Variants in ADAM7 observed in about 807,000 individuals in gnomAD.
ADAM7 encodes the protein disintegrin and metalloproteinase domain-containing protein 7.
ADAM7 carries 97 observed loss-of-function variants against 102.9 expected under a neutral mutation model. The observed-to-expected ratio is 0.94, with a 90% CI of 0.80 to 1.12. The LOEUF (loss-of-function observed/expected upper bound fraction) is 1.12. Among genes scored for constraint, ADAM7 ranks in the 50% most tolerant of loss-of-function variants. The pLI is 0.00. For synonymous variants in ADAM7, 334 were observed against 304.4 expected, an observed-to-expected ratio of 1.10 and a Z score of -1.01; for missense variants, 991 against 908.7, an observed-to-expected ratio of 1.09 and a Z score of -1.16.
At chr8:24,444,333 C>A (rs539193228) in intron 2 of ADAM7, among the ~76,000 whole-genome samples, 2 of 151,524 alleles carry the variant, frequency 1.3e-5, no homozygotes, top group African/African-American at 4.8e-5. Context: ...GGAGAGGAAT[C>A]AAATAATTTA....
chr8:24,473,495 G>A (rs571597021), intron 7 of ADAM7, among the ~76,000 whole-genome samples: 1 of 152,246 alleles, frequency 6.6e-6, no homozygotes, highest in South Asian at 2.1e-4. Context: ...CAATGTGCAA[G>A]AACTTTTCAA....
intron 8 of ADAM7, among the ~76,000 whole-genome samples, chr8:24,480,831 G>A (rs1458498931): frequency 6.6e-6 from 1 of 152,030 alleles, no homozygotes; most frequent in South Asian, 2.1e-4. Flanking sequence ...ACTGAGCCCA[G>A]GAGTTCAAGA....
chr8:24,482,338 T>G (rs1765927805), intron 9 of ADAM7, 27 bp downstream of exon 9: 1 of 1,584,116 alleles, frequency 6.3e-7, no homozygotes, highest in Admixed American at 1.9e-5. Context: ...TTTTCTTGCA[T>G]ACCTTTGGTG....
At chr8:24,446,028 A>G (rs1563370985) in intron 2 of ADAM7, among the ~76,000 whole-genome samples, 1 of 152,208 alleles carries the variant, frequency 6.6e-6, no homozygotes, top group East Asian at 1.9e-4. Context: ...AGGGACTTCC[A>G]TGAGGGCAGA....
In ADAM7 at chr8:24,509,248, G is replaced by C; in HGVS notation, c.*702G>C. On this transcript the variant is annotated 3_prime_UTR_variant, in exon 22 of 22. Coordinates refer to ENST00000175238, the MANE Select transcript of ADAM7 (RefSeq NM_003817.4). ...ATTTCAGAAAATTTACTCCAAGTGA[G>C]AGGACATACTCACAACTCCTATGAA... is the stretch of plus-strand genomic sequence containing the variant. 1 of 985,418 alleles carries C rather than the reference G, an allele frequency of 1.0e-6. No individual in the cohort carries two copies. The highest frequency in any genetic ancestry group is 1.2e-6 in the Non-Finnish European group (1 of 829,974). 61.0% of individuals were successfully genotyped at this position (985,418 alleles called of 1,614,324 possible). A position where few individuals can be genotyped will look rare whatever the true frequency, so the allele number is the denominator to read the frequency against.
chr8:24,452,817 C>T (rs541624560), intron 3 of ADAM7, among the ~76,000 whole-genome samples: 1 of 151,542 alleles, frequency 6.6e-6, no homozygotes, highest in South Asian at 2.1e-4. Context: ...TTTCGTGCTT[C>T]CTTCAGGAGC....
In ADAM7 at chr8:24,466,981, A is replaced by G. The variant is rs768678285; in HGVS notation, c.572A>G (p.Lys191Arg). The G allele has an allele frequency of 6.2e-7, 1 of 1,612,802 alleles. No homozygotes were observed. The highest frequency in any genetic ancestry group is 2.2e-5 in the East Asian group (1 of 44,834). ...PGDNESEEDSKIKGIHDEKYV... is the reference protein window; with the variant it reads ...PGDNESEEDSRIKGIHDEKYV... ...GATAATGAATCTGAAGAAGACTCCA[A>G]AATAAAAGTGAGTACTTTATTATTA... is the stretch of plus-strand genomic sequence containing the variant. The change falls in exon 6 of 22, where the codon AAA becomes AGA. Residue 191 changes from lysine to arginine, a missense_variant. Transcript: ENST00000175238.
chr8:24,493,643 A>C (rs1820451352), intron 16 of ADAM7, among the ~76,000 whole-genome samples: 1 of 152,244 alleles, frequency 6.6e-6, no homozygotes, highest in Non-Finnish European at 1.5e-5. Flanking sequence ...TCATACAGTA[A>C]AAATTACATG....
At chr8:24,455,714 G>T (rs1013459650) in intron 3 of ADAM7, among the ~76,000 whole-genome samples, 1 of 152,106 alleles carries the variant, frequency 6.6e-6, no homozygotes, top group Admixed American at 6.5e-5. Context: ...CCTAATATAG[G>T]TTTACACTGA....
chr8:24,446,636 T>C (rs1025770343), intron 2 of ADAM7, among the ~76,000 whole-genome samples: 2 of 151,950 alleles, frequency 1.3e-5, no homozygotes, highest in African/African-American at 2.4e-5. Flanking sequence ...AAAAAATTTA[T>C]TAAAATAGGA....
intron 16 of ADAM7, among the ~76,000 whole-genome samples, chr8:24,498,145 T>C (rs1409597800): frequency 1.3e-5 from 2 of 151,878 alleles, no homozygotes; most frequent in Admixed American, 6.6e-5. Flanking sequence ...AAAGAAATGA[T>C]TGCAAGCAAC....
At chr8:24,481,627 C>A (rs1378267225) in intron 8 of ADAM7, among the ~76,000 whole-genome samples, 1 of 152,122 alleles carries the variant, frequency 6.6e-6, no homozygotes, top group Admixed American at 6.6e-5. Flanking sequence ...CTGCTTAGAG[C>A]AACCCCTAAT....
chr8:24,465,527 C>T (rs1475161269), intron 4 of ADAM7, among the ~76,000 whole-genome samples, 172 bp from the exon 5 acceptor site: 1 of 152,180 alleles, frequency 6.6e-6, no homozygotes, highest in Admixed American at 6.5e-5. Context: ...GTCTCTGAAG[C>T]AGGCTCAAAT....
intron 13 of ADAM7, among the ~76,000 whole-genome samples, chr8:24,491,584 G>A (rs917223749): frequency 5.3e-5 from 8 of 152,134 alleles, no homozygotes; most frequent in Admixed American, 1.3e-4. Flanking sequence ...GGGGTAGGCA[G>A]GGTATGTACT....
At chr8:24,472,890 A>G (rs1367228130) in intron 7 of ADAM7, among the ~76,000 whole-genome samples, 4 of 152,060 alleles carry the variant, frequency 2.6e-5, no homozygotes, top group Admixed American at 6.5e-5. Context: ...ATATAGAAAT[A>G]TATGTAAAAT....
intron 21 of ADAM7, among the ~76,000 whole-genome samples, chr8:24,508,233 A>ACGG (rs1453044140): frequency 6.6e-6 from 1 of 152,208 alleles, no homozygotes; most frequent in East Asian, 1.9e-4. Flanking sequence ...GCATTTTCTA[A>ACGG]TGATCTTTCC....
chr8:24,449,102 G>A (rs1302850863), intron 3 of ADAM7, among the ~76,000 whole-genome samples: 26 of 152,212 alleles, frequency 1.7e-4, no homozygotes, highest in South Asian at 4.1e-4. Flanking sequence ...GAATAGAGCC[G>A]CAATAAACAT....
chr8:24,459,313 T>C (rs1349960097), intron 3 of ADAM7, among the ~76,000 whole-genome samples: 1 of 152,002 alleles, frequency 6.6e-6, no homozygotes, highest in Non-Finnish European at 1.5e-5. Context: ...TTCATAATAT[T>C]ATCTTATAAT....
intron 8 of ADAM7, among the ~76,000 whole-genome samples, chr8:24,477,719 C>CTCTCT (rs1819815798): frequency 6.6e-6 from 1 of 150,904 alleles, no homozygotes; most frequent in African/African-American, 2.4e-5. Context: ...GCCTTGTTAT[C>CTCTCT]TCTCTTCTCT....
Sources: gnomAD v4.1 joint callset for allele counts (sites outside exome capture counted in the v4.1 genomes callset) on GRCh38, gnomAD v4.1.1 for gene constraint, MANE v1.5 for transcripts, NCBI Gene and HGNC (gene_info 2026-07-23, HGNC 2026-07-21) for gene names.